Variants in WDR49 observed in about 807,000 individuals in gnomAD.
WDR49 encodes cilia- and flagella-associated protein 337.
A neutral mutation model predicts 119.5 loss-of-function variants in WDR49; 107 were observed. The ratio of observed to expected loss-of-function variants is 0.90; its 90% CI spans 0.77 to 1.05. The LOEUF is 1.05. WDR49 is among the 50% of genes least tolerant of loss of function. WDR49 has a pLI of 0.00. For missense variants in WDR49, 1,240 were observed against 1,220.5 expected (o/e 1.02, Z -0.24); for synonymous variants, 425 against 418.8 (o/e 1.01, Z -0.18).
chr3:167,546,699 A>G (rs1712226253), intron 10 of WDR49, among the ~76,000 whole-genome samples: 1 of 151,764 alleles, frequency 6.6e-6, no homozygotes. Flanking sequence ...TGCAAAAAAA[A>G]AAAAAAAGAA....
chr3:167,480,374 T>C (rs1750662678), intron 18 of WDR49, among the ~76,000 whole-genome samples: 1 of 151,946 alleles, frequency 6.6e-6, no homozygotes, highest in South Asian at 2.1e-4. Flanking sequence ...AATTTGGAGC[T>C]GGACCTAGGA....
rs560321412 is a variant in WDR49, at chr3:167,548,186, C to A, written c.1823+6464G>T. On this transcript the variant is annotated intron_variant, in intron 10 of 18. Transcript: ENST00000682715. ...TTTTGGTACATTTTACACAAAATTTCTTTCATAGATTTTTAGGCCTAAAAT... is the reference window on the plus strand; with the variant it reads ...TTTTGGTACATTTTACACAAAATTTATTTCATAGATTTTTAGGCCTAAAAT... Among the ~76,000 whole-genome samples, 8 of 152,004 alleles carry A rather than the reference C, an allele frequency of 5.3e-5. No individual in the cohort carries two copies. The South Asian group carries it at 1.7e-3, about 31-fold the overall frequency.
chr3:167,617,204 G>A (rs78645254), intron 5 of WDR49, among the ~76,000 whole-genome samples: 7,974 of 152,130 alleles, frequency 0.052, 660 homozygotes, highest in African/African-American at 0.18. Context: ...AATAAAGGAC[G>A]TTTCAGGAAA....
intron 16 of WDR49, 120 bp downstream of exon 16, chr3:167,522,195 G>T: frequency 1.0e-6 from 1 of 985,216 alleles, no homozygotes; most frequent in Non-Finnish European, 1.4e-6. Context: ...CCCAAATTTT[G>T]GAGAAATCTT....
chr3:167,574,181 C>T (rs925050857), intron 8 of WDR49, among the ~76,000 whole-genome samples: 3 of 152,138 alleles, frequency 2.0e-5, no homozygotes, highest in Non-Finnish European at 2.9e-5. Context: ...TGGTTAGGAC[C>T]CAGATTTTCC....
intron 16 of WDR49, among the ~76,000 whole-genome samples, chr3:167,521,963 A>AAGATAGAT (rs201398579): frequency 0.013 from 1,001 of 77,204 alleles, 10 homozygotes; most frequent in Middle Eastern, 0.031. Flanking sequence ...TACACATTCT[A>AAGATAGAT]AGATAGATAG....
At chr3:167,562,777 C>T in intron 8 of WDR49, among the ~76,000 whole-genome samples, 1 of 152,206 alleles carries the variant, frequency 6.6e-6, no homozygotes, top group Non-Finnish European at 1.5e-5. Context: ...AGGGCAAGCA[C>T]ATTACTTACT....
intron 8 of WDR49, among the ~76,000 whole-genome samples, chr3:167,573,190 T>C (rs1384587311): frequency 6.6e-6 from 1 of 152,058 alleles, no homozygotes; most frequent in Non-Finnish European, 1.5e-5. Context: ...GGGAGGCACG[T>C]GCTATTCCCA....
In WDR49 at chr3:167,536,714, T is replaced by C. The variant is rs201923850; in HGVS notation, c.1954+156A>G. Among the ~76,000 whole-genome samples, 1,200 of 103,602 alleles carry C rather than the reference T, an allele frequency of 0.012. 10 individuals are homozygous for C. The highest frequency in any genetic ancestry group is 0.035 in the African/African-American group (794 of 22,982). 68.0% of individuals were successfully genotyped at this position (103,602 alleles called of 152,430 possible). A position where few individuals can be genotyped will look rare whatever the true frequency, so the allele number is the denominator to read the frequency against. On this transcript the variant is annotated intron_variant, in intron 11 of 18. Transcript: ENST00000682715. ...ATATATATATATATATACACACACA[T>C]ATATATATATATATATATACACACA... is the stretch of plus-strand genomic sequence containing the variant.
intron 2 of WDR49, among the ~76,000 whole-genome samples, chr3:167,627,540 G>C (rs938939591): frequency 6.6e-6 from 1 of 152,082 alleles, no homozygotes; most frequent in Non-Finnish European, 1.5e-5. Context: ...ATCGGGAAGA[G>C]TAAGGCAGGA....
intron 16 of WDR49, among the ~76,000 whole-genome samples, chr3:167,510,027 G>A (rs1319564738): frequency 6.6e-6 from 1 of 152,122 alleles, no homozygotes; most frequent in Non-Finnish European, 1.5e-5. Flanking sequence ...TGTTAACAAT[G>A]GCTTTACCAC....
rs533028114 is a variant in WDR49, at chr3:167,577,249, G to A, written c.1276-1098C>T. ...CACTAAGTGTCCCAGGAAGAAAACA[G>A]AAAGATGAGCTTCACAGGTGTGAGT... is the stretch of plus-strand genomic sequence containing the variant. On this transcript the variant is annotated intron_variant, in intron 7 of 18. Transcript: ENST00000682715. Among the ~76,000 whole-genome samples the A allele has an allele frequency of 4.6e-5, 7 of 152,282 alleles. No homozygotes were observed. The East Asian group carries it at 1.2e-3, about 25-fold the overall frequency.
At chr3:167,486,332 A>T (rs929961561) in intron 18 of WDR49, among the ~76,000 whole-genome samples, 4 of 152,132 alleles carry the variant, frequency 2.6e-5, no homozygotes, top group African/African-American at 7.2e-5. Context: ...TTCACTATAA[A>T]GCAACTATAC....
Position 167,554,804 on chromosome 3 carries a change from A to T in WDR49, c.1675-6T>A. ...TATCCATTGAAGTCCCATATCTTTA[A>T]GAGAAAAATTAAAACCACTTTGAGA... On this transcript the variant is annotated splice_polypyrimidine_tract_variant and splice_region_variant and intron_variant, in intron 9 of 18. Transcript: ENST00000682715. 6.3e-7 allele frequency: 1 copy of T among 1,593,286 alleles called. No homozygotes were observed. Among genetic ancestry groups the T allele is most frequent in the Non-Finnish European group, 8.5e-7 (1 of 1,172,466 alleles).
intron 7 of WDR49, among the ~76,000 whole-genome samples, chr3:167,591,315 A>G (rs1715092661): frequency 6.6e-6 from 1 of 152,158 alleles, no homozygotes; most frequent in South Asian, 2.1e-4. Context: ...GACTTGTTTC[A>G]TGACCTAACA....
intron 8 of WDR49, among the ~76,000 whole-genome samples, chr3:167,568,143 T>C (rs1043361516): frequency 3.3e-5 from 5 of 152,230 alleles, no homozygotes; most frequent in Non-Finnish European, 5.9e-5. Flanking sequence ...TTCATCTGCT[T>C]AAAAAATTTG....
intron 7 of WDR49, among the ~76,000 whole-genome samples, chr3:167,595,397 G>C (rs189427445): frequency 7.6e-4 from 115 of 152,280 alleles, no homozygotes; most frequent in Admixed American, 2.6e-3. Flanking sequence ...CCAAAAAAGA[G>C]CCCGCATTGC....
chr3:167,507,975 G>T (rs1185202936), intron 16 of WDR49, among the ~76,000 whole-genome samples: 2 of 152,168 alleles, frequency 1.3e-5, no homozygotes, highest in Non-Finnish European at 2.9e-5. Flanking sequence ...GGCTTAAATA[G>T]AGTTTTAAAA....
At chr3:167,633,768 C>T (rs5000935) in intron 2 of WDR49, among the ~76,000 whole-genome samples, 1 of 149,444 alleles carries the variant, frequency 6.7e-6, no homozygotes, top group East Asian at 2.0e-4. Context: ...GGGTTTTATG[C>T]CTGGGTTTGA....
Sources: allele counts gnomAD v4.1 joint callset (sites outside exome capture counted in the v4.1 genomes callset), GRCh38; gene constraint gnomAD v4.1.1; transcripts MANE v1.5; gene names NCBI Gene and HGNC (gene_info 2026-07-23, HGNC 2026-07-21).